YTHDC1: variants seen among roughly 807,000 people sequenced by gnomAD.
YTHDC1 encodes YTH N6-methyladenosine RNA binding protein C1.
Under a neutral mutation model 107.0 loss-of-function variants are expected in YTHDC1, and 12 were observed. The observed-to-expected ratio is 0.11, with a 90% CI of 0.07 to 0.18. YTHDC1 has a LOEUF of 0.18. Ranked by LOEUF, YTHDC1 falls within the 10% of genes least tolerant of loss-of-function variation. The pLI is 1.00. For missense variants in YTHDC1, 635 were observed against 898.8 expected (o/e 0.71, Z 3.75); for synonymous variants, 280 against 289.5 (o/e 0.97, Z 0.33).
intron 7 of YTHDC1, among the ~76,000 whole-genome samples, chr4:68,331,087 C>G (rs930865144): frequency 6.6e-6 from 1 of 152,058 alleles, no homozygotes; most frequent in Admixed American, 6.6e-5. Flanking sequence ...ACAGTATTTG[C>G]GTATAACCCA....
chr4:68,329,984 C>T lies in YTHDC1; in HGVS notation c.1349+18G>A. ...GTATTCAAAATTTCAGTTATCTATACTGAAGTGTATAATTTACCTGCAAAT... is the reference window on the plus strand; with the variant it reads ...GTATTCAAAATTTCAGTTATCTATATTGAAGTGTATAATTTACCTGCAAAT... On this transcript the variant is annotated intron_variant, in intron 9 of 16. Transcript: ENST00000344157. The T allele has an allele frequency of 6.3e-7, 1 of 1,578,560 alleles. No homozygotes were observed. Among genetic ancestry groups the T allele is most frequent in the South Asian group, 1.1e-5 (1 of 90,292 alleles).
At chr4:68,316,583 G>T (rs1721882080) in intron 15 of YTHDC1, 135 bp from the exon 16 acceptor site, 2 of 1,051,814 alleles carry the variant, frequency 1.9e-6, no homozygotes, top group Non-Finnish European at 2.6e-6. Flanking sequence ...TGGCATTAAG[G>T]TGTTTCAAAA....
intron 1 of YTHDC1, among the ~76,000 whole-genome samples, chr4:68,342,031 C>A (rs1034276674): frequency 1.3e-5 from 2 of 152,154 alleles, no homozygotes; most frequent in Non-Finnish European, 2.9e-5. Flanking sequence ...TATATAAAAT[C>A]TGGTCCAGAA....
At chr4:68,315,625 G>C (rs933465736) in intron 16 of YTHDC1, among the ~76,000 whole-genome samples, 9 of 152,074 alleles carry the variant, frequency 5.9e-5, no homozygotes, top group African/African-American at 2.2e-4. Flanking sequence ...ACTATTGGGG[G>C]GGGTGGGGAA....
intron 4 of YTHDC1, among the ~76,000 whole-genome samples, 181 bp from the exon 5 acceptor site, chr4:68,333,578 C>G (rs945749507): frequency 6.6e-6 from 1 of 152,034 alleles, no homozygotes; most frequent in Non-Finnish European, 1.5e-5. Context: ...TTAAAAAGTA[C>G]GGGCATCTTG....
chr4:68,346,530 A>G (rs1191774617), intron 1 of YTHDC1, among the ~76,000 whole-genome samples: 5 of 152,236 alleles, frequency 3.3e-5, no homozygotes, highest in Non-Finnish European at 7.3e-5. Context: ...TAAGTTTTAA[A>G]TTGTGCGCTA....
rs1302340955 is a variant in YTHDC1 at position 68,312,907 on chromosome 4, G to A, written c.*1192C>T. The A allele has an allele frequency of 6.6e-6, 1 of 152,170 alleles. No homozygotes were observed. The highest frequency in any genetic ancestry group is 2.4e-5 in the African/African-American group (1 of 41,440). 9.4% of individuals were successfully genotyped at this position (152,170 alleles called of 1,614,324 possible). A position where few individuals can be genotyped will look rare whatever the true frequency, so the allele number is the denominator to read the frequency against. Reference sequence around the variant, plus strand: ...TGAGCGGCTCTATTTCTATGTTATAGTTGGTTACCACTGGGAGAACTGGAC... The same window carrying A: ...TGAGCGGCTCTATTTCTATGTTATAATTGGTTACCACTGGGAGAACTGGAC... On this transcript the variant is annotated 3_prime_UTR_variant, in exon 17 of 17. Coordinates refer to ENST00000344157, the MANE Select transcript of YTHDC1 (RefSeq NM_001031732.4).
intron 1 of YTHDC1, among the ~76,000 whole-genome samples, chr4:68,339,206 G>C (rs748112113): frequency 8.5e-5 from 13 of 152,136 alleles, no homozygotes; most frequent in Non-Finnish European, 1.8e-4. Context: ...TGGACCTCCT[G>C]TAACAATGCT....
intron 4 of YTHDC1, among the ~76,000 whole-genome samples, chr4:68,336,011 TA>T (rs1724118936): frequency 6.8e-6 from 1 of 147,920 alleles, no homozygotes; most frequent in Non-Finnish European, 1.5e-5. Context: ...ATATATAGTA[TA>T]AAATATATAG....
chr4:68,342,079 G>T (rs1424164232), intron 1 of YTHDC1, among the ~76,000 whole-genome samples: 1 of 152,082 alleles, frequency 6.6e-6, no homozygotes, highest in Non-Finnish European at 1.5e-5. Flanking sequence ...AACAGGTATG[G>T]TATATGCATA....
chr4:68,346,981 T>C (rs1421048184), intron 1 of YTHDC1, among the ~76,000 whole-genome samples: 1 of 152,214 alleles, frequency 6.6e-6, no homozygotes, highest in Non-Finnish European at 1.5e-5. Context: ...GGAGAACTGT[T>C]GTATAACTTA....
At chr4:68,320,675 T>A (rs1044011774) in intron 11 of YTHDC1, among the ~76,000 whole-genome samples, 6 of 152,120 alleles carry the variant, frequency 3.9e-5, no homozygotes, top group African/African-American at 1.4e-4. Context: ...TTAGGTTAAG[T>A]CTAAACAAAA....
intron 9 of YTHDC1, 50 bp downstream of exon 9, chr4:68,329,952 T>C (rs1723397006): frequency 7.5e-7 from 1 of 1,338,782 alleles, no homozygotes. Context: ...TATTCTAAAC[T>C]GGTAGTGTAT....
chr4:68,338,429 G>T (rs1724466068), intron 1 of YTHDC1, 45 bp from the exon 2 acceptor site: 1 of 1,448,202 alleles, frequency 6.9e-7, no homozygotes, highest in South Asian at 1.3e-5. Context: ...CACTATCATT[G>T]AACATGTATT....
intron 15 of YTHDC1, 76 bp from the exon 16 acceptor site, chr4:68,316,524 C>T: frequency 6.6e-7 from 1 of 1,506,168 alleles, no homozygotes; most frequent in Admixed American, 2.0e-5. Context: ...ACCCTTCATC[C>T]AAAACACCAA....
At chr4:68,330,156 T>C in intron 8 of YTHDC1, 37 bp from the exon 9 acceptor site, 1 of 1,574,978 alleles carries the variant, frequency 6.3e-7, no homozygotes, top group Non-Finnish European at 8.7e-7. Context: ...ATGTAGATGC[T>C]AATATAATTA....
chr4:68,320,060 T>C, intron 12 of YTHDC1, 63 bp downstream of exon 12: 1 of 1,433,456 alleles, frequency 7.0e-7, no homozygotes, highest in Non-Finnish European at 9.5e-7. Context: ...GGGTTGTTTT[T>C]AATTTTTTAA....
chr4:68,327,763 T>C (rs1394219034), intron 9 of YTHDC1, among the ~76,000 whole-genome samples: 2 of 152,158 alleles, frequency 1.3e-5, no homozygotes, highest in Non-Finnish European at 2.9e-5. Context: ...TCTCACTATA[T>C]AGAGAGAATT....
rs552824870 is a variant in YTHDC1, at chr4:68,322,347, C to T, written c.1601+402G>A. The T allele has an allele frequency of 6.2e-6, 1 of 161,488 alleles. No homozygotes were observed. The highest frequency in any genetic ancestry group is 1.8e-4 in the East Asian group (1 of 5,592). The allele number at this position is 161,488 out of a possible 1,614,324, so 10.0% of individuals were successfully genotyped here. On this transcript the variant is annotated intron_variant, in intron 11 of 16. Transcript: ENST00000344157. This position sits in a 1 kb window ranked among gnomAD's most constrained non-coding sequence, Gnocchi z 4.8. ...AAGTCCCATATCTGATAAGGCTTAT[C>T]CAGAGACATACCTGAAAGAAAAGGC...
Sources: allele counts gnomAD v4.1 joint callset (sites outside exome capture counted in the v4.1 genomes callset), GRCh38; gene constraint gnomAD v4.1.1; non-coding constraint Gnocchi (gnomAD v3.1); transcripts MANE v1.5; gene names NCBI Gene and HGNC (gene_info 2026-07-23, HGNC 2026-07-21).